The following PCDHA2 variants were observed in gnomAD, a reference collection of about 807,000 sequenced individuals.
PCDHA2 encodes the protein protocadherin alpha-2.
PCDHA2 carries 58 observed loss-of-function variants against 66.0 expected under a neutral mutation model. The ratio of observed to expected loss-of-function variants is 0.88; its 90% CI spans 0.71 to 1.09. PCDHA2 has a LOEUF of 1.09. Among genes scored for constraint, PCDHA2 ranks in the 50% least tolerant of loss-of-function variants. The pLI, the probability that PCDHA2 is intolerant of heterozygous loss-of-function variation, is 0.00. For missense variants in PCDHA2, 1,267 were observed against 1,242.3 expected, an observed-to-expected ratio of 1.02 and a Z score of -0.30; for synonymous variants, 634 against 554.0, an observed-to-expected ratio of 1.14 and a Z score of -2.03.
chr5:140,808,636 C>A, intron 1 of PCDHA2: 1 of 1,613,522 alleles, frequency 6.2e-7, no homozygotes, highest in Admixed American at 1.7e-5. Context: ...GGGACGCGGA[C>A]GCGCAGGAGA....
chr5:140,967,084 TC>T, intron 1 of PCDHA2: 2 of 1,613,270 alleles, frequency 1.2e-6, no homozygotes, highest in African/African-American at 2.7e-5. Flanking sequence ...AGCGCATTGA[TC>T]GGGAGGCGCT....
At chr5:140,901,199 A>T (rs1554189641) in intron 1 of PCDHA2, among the ~76,000 whole-genome samples, 4 of 152,106 alleles carry the variant, frequency 2.6e-5, no homozygotes, top group Non-Finnish European at 5.9e-5. Context: ...TTCTGTGCAG[A>T]AGGTTTTTAA....
chr5:140,916,602 C>T (rs1554197542), intron 1 of PCDHA2, among the ~76,000 whole-genome samples: 2 of 152,240 alleles, frequency 1.3e-5, no homozygotes, highest in African/African-American at 2.4e-5. Context: ...GCCTGGAATG[C>T]GGGCCTCATG....
At chr5:140,851,288 A>C in intron 1 of PCDHA2, 1 of 1,036,248 alleles carries the variant, frequency 9.7e-7, no homozygotes, top group Non-Finnish European at 1.2e-6. Context: ...TAAGAAACCC[A>C]AGCAAAAATA....
chr5:140,882,545 G>A (rs1174281421), intron 1 of PCDHA2: 4 of 1,614,238 alleles, frequency 2.5e-6, no homozygotes. Context: ...GATCGACCGC[G>A]AGGAGCTGTG....
intron 1 of PCDHA2, chr5:140,851,731 T>C (rs1554145521): frequency 3.1e-6 from 3 of 971,456 alleles, no homozygotes; most frequent in African/African-American, 3.5e-5. Flanking sequence ...TCGAGTTCTT[T>C]TGAAATTCAG....
chr5:140,927,643 G>A lies in PCDHA2; in HGVS notation c.2389-51306G>A. On this transcript the variant is annotated intron_variant, in intron 1 of 3. Coordinates refer to ENST00000526136, the MANE Select transcript of PCDHA2 (RefSeq NM_018905.3). The stretch of plus-strand genomic sequence containing the variant: ...TCCAGAGACTGCACCCAATGGGACT[G>A]TGTTATTCCGAGTTCAAGCCTTGGA... The A allele has an allele frequency of 3.7e-6, 6 of 1,614,170 alleles. No homozygotes were observed. Among genetic ancestry groups the A allele is most frequent in the South Asian group, 1.1e-5 (1 of 91,088 alleles).
At chr5:140,828,347 G>A (rs2150154250) in intron 1 of PCDHA2, 1 of 1,614,256 alleles carries the variant, frequency 6.2e-7, no homozygotes, top group South Asian at 1.1e-5. Flanking sequence ...CATTTTGTTT[G>A]TGAATTCTCG....
chr5:140,937,213 A>AT (rs1339770312), intron 1 of PCDHA2, among the ~76,000 whole-genome samples: 2 of 151,454 alleles, frequency 1.3e-5, no homozygotes, highest in Admixed American at 1.3e-4. Flanking sequence ...AATTTTTTGT[A>AT]TTTTTTGTAG....
chr5:140,978,845 T>C, intron 1 of PCDHA2, 104 bp from the exon 2 acceptor site: 7 of 1,569,708 alleles, frequency 4.5e-6, no homozygotes, highest in Non-Finnish European at 6.1e-6. Flanking sequence ...AATACTTTTT[T>C]AGATGCCTGG....
rs1167217103 is a variant in PCDHA2, at chr5:140,852,143, C to G, written c.2388+54791C>G. 4 of 873,950 alleles carry G rather than the reference C, an allele frequency of 4.6e-6. No individual in the cohort carries two copies. The African/African-American group carries it at 7.3e-5, about 16-fold the overall frequency. 54.1% of individuals were successfully genotyped at this position (873,950 alleles called of 1,614,324 possible). A position where few individuals can be genotyped will look rare whatever the true frequency, so the allele number is the denominator to read the frequency against. ...AATTAAAAACTCAGTAGAGAAAGAT[C>G]AGAATGGCCTTGAGAATAGAGCCAC... is the stretch of plus-strand genomic sequence containing the variant. On this transcript the variant is annotated intron_variant, in intron 1 of 3. Transcript: ENST00000526136.
At chr5:140,861,535 G>A (rs1014652583) in intron 1 of PCDHA2, 3 of 446,466 alleles carry the variant, frequency 6.7e-6, no homozygotes, top group East Asian at 1.3e-4. Context: ...TCGGAGTGCA[G>A]CATCCACCTG....
intron 1 of PCDHA2, chr5:140,823,132 G>A: frequency 6.2e-7 from 1 of 1,614,036 alleles, no homozygotes; most frequent in South Asian, 1.1e-5. Flanking sequence ...CAACGCTCCG[G>A]CGTTCGCGCA....
rs1554168160 is a variant in PCDHA2 at position 140,875,992 on chromosome 5, CT to C, written c.2388+78641del. 5 of 1,613,752 alleles carry C rather than the reference CT, an allele frequency of 3.1e-6. No homozygotes were observed. In the Admixed American group the frequency reaches 8.3e-5, roughly 27 times the overall value. On this transcript the variant is annotated intron_variant, in intron 1 of 3. Transcript: ENST00000526136. ...CTCTCTTTTGACCTATGCGTTAAGT[CT>C]AAATGAGAATTTTGAGCTTAAAATA...
chr5:140,812,585 T>C (rs1765140145), intron 1 of PCDHA2: 1 of 152,148 alleles, frequency 6.6e-6, no homozygotes, highest in African/African-American at 2.4e-5. Flanking sequence ...CTTTCTTCTT[T>C]CTTCATTTTT....
chr5:140,859,194 A>G (rs1412348145), intron 1 of PCDHA2: 1 of 149,838 alleles, frequency 6.7e-6, no homozygotes, highest in African/African-American at 2.4e-5. Context: ...ATTGCTTATG[A>G]TATTCAGGTA....
intron 1 of PCDHA2, chr5:140,829,932 C>T (rs2150178054): frequency 4.3e-6 from 7 of 1,613,980 alleles, no homozygotes; most frequent in East Asian, 4.5e-5. Context: ...CTGCAGCCCC[C>T]GGCAAGCAGC....
intron 1 of PCDHA2, among the ~76,000 whole-genome samples, chr5:140,885,118 C>CT (rs782576516): frequency 6.6e-6 from 1 of 152,022 alleles, no homozygotes; most frequent in Non-Finnish European, 1.5e-5. Context: ...TTTAAGTGCA[C>CT]TTTTCTTTCT....
Position 140,876,936 on chromosome 5 carries a change from G to C in PCDHA2, c.2388+79584G>C, listed in dbSNP as rs567563243. On this transcript the variant is annotated intron_variant, in intron 1 of 3. Transcript: ENST00000526136. ...GGGACGCGGACGCGCAGAAGAACGCGCTGGTGTCCTACTCGCTGGTGGAGC... is the reference window on the plus strand; with the variant it reads ...GGGACGCGGACGCGCAGAAGAACGCCCTGGTGTCCTACTCGCTGGTGGAGC... 190 of 1,613,730 alleles carry C rather than the reference G, an allele frequency of 1.2e-4. 1 individual carries two copies. The highest frequency in any genetic ancestry group is 1.5e-4 in the South Asian group (14 of 91,062).
Sources: allele counts gnomAD v4.1 joint callset (sites outside exome capture counted in the v4.1 genomes callset), GRCh38; gene constraint gnomAD v4.1.1; transcripts MANE v1.5; gene names NCBI Gene and HGNC (gene_info 2026-07-23, HGNC 2026-07-21).